The following MDGA2 variants were observed in gnomAD, a reference collection of about 807,000 sequenced individuals.
The protein encoded by MDGA2 is MAM domain-containing glycosylphosphatidylinositol anchor protein 2.
A neutral mutation model predicts 117.8 loss-of-function variants in MDGA2; 40 were observed. The observed-to-expected ratio is 0.34, with a 90% CI of 0.26 to 0.44. MDGA2 has a LOEUF of 0.44. MDGA2 is among the 20% of genes least tolerant of loss of function. The pLI is 1.00. For missense variants in MDGA2, 1,123 were observed against 1,250.6 expected, an observed-to-expected ratio of 0.90 and a Z score of 1.54; for synonymous variants, 452 against 439.0, an observed-to-expected ratio of 1.03 and a Z score of -0.37.
chr14:47,425,976 G>A (rs1005759050), intron 1 of MDGA2, among the ~76,000 whole-genome samples: 1 of 151,616 alleles, frequency 6.6e-6, no homozygotes, highest in African/African-American at 2.4e-5. Flanking sequence ...TCCATCCCAG[G>A]ATCCCATATC....
At chr14:47,433,072 A>G (rs1892831214) in intron 1 of MDGA2, among the ~76,000 whole-genome samples, 1 of 152,116 alleles carries the variant, frequency 6.6e-6, no homozygotes, top group South Asian at 2.1e-4. Flanking sequence ...AATGATAGAT[A>G]TAACTGCCTT....
At position 47,482,248 on chromosome 14, in the gene MDGA2, G is replaced by C. The variant is rs527811591; in HGVS notation, c.281-180698C>G. ...TGGTCCCAGGATGATAGAAATTTAG[G>C]AAAAGAGGAATGGAGGGAAGTTTCC... On this transcript the variant is annotated intron_variant, in intron 1 of 16. Transcript: ENST00000399232. Among the ~76,000 whole-genome samples, 5 of 152,118 alleles carry C rather than the reference G, an allele frequency of 3.3e-5. No homozygotes were observed. The East Asian group carries it at 9.7e-4, about 29-fold the overall frequency.
At chr14:47,185,968 C>T (rs1249765792) in intron 3 of MDGA2, among the ~76,000 whole-genome samples, 3 of 151,482 alleles carry the variant, frequency 2.0e-5, no homozygotes, top group African/African-American at 7.3e-5. Context: ...GGATGGAAGG[C>T]TTGCTATATG....
chr14:47,388,869 T>C (rs1891822109), intron 1 of MDGA2, among the ~76,000 whole-genome samples: 1 of 152,184 alleles, frequency 6.6e-6, no homozygotes, highest in Admixed American at 6.5e-5. Context: ...ACACTCAGCC[T>C]CCTTGCAGTA....
chr14:47,625,908 T>C (rs1158689748), intron 1 of MDGA2, among the ~76,000 whole-genome samples: 4 of 152,214 alleles, frequency 2.6e-5, no homozygotes, highest in African/African-American at 9.6e-5. Flanking sequence ...TTTTGCCCCA[T>C]GTTCTTTTGC....
chr14:46,952,475 A>T (rs1885403132), intron 9 of MDGA2, among the ~76,000 whole-genome samples: 1 of 152,022 alleles, frequency 6.6e-6, no homozygotes, highest in East Asian at 1.9e-4. Context: ...ACCTGAGTGA[A>T]ATAATTTTCT....
At chr14:47,568,075 T>G (rs2138814945) in intron 1 of MDGA2, among the ~76,000 whole-genome samples, 1 of 152,250 alleles carries the variant, frequency 6.6e-6, no homozygotes, top group South Asian at 2.1e-4. Flanking sequence ...GGGGCCCTAA[T>G]AATATGGATT....
intron 5 of MDGA2, among the ~76,000 whole-genome samples, chr14:47,128,110 T>C (rs1190698130): frequency 6.6e-6 from 1 of 152,156 alleles, no homozygotes; most frequent in Non-Finnish European, 1.5e-5. Flanking sequence ...ATATTAAATA[T>C]AATTTTATTG....
chr14:47,438,587 C>T (rs1451873786), intron 1 of MDGA2, among the ~76,000 whole-genome samples: 6 of 152,150 alleles, frequency 3.9e-5, no homozygotes. Flanking sequence ...TCCATTATGA[C>T]ATTTTCAAGA....
chr14:47,488,305 A>T (rs1482606920), intron 1 of MDGA2, among the ~76,000 whole-genome samples: 1 of 152,150 alleles, frequency 6.6e-6, no homozygotes, highest in African/African-American at 2.4e-5. Flanking sequence ...TTTGCAAAGC[A>T]AGAGACATAA....
At chr14:47,124,217 G>GA (rs1019014457) in intron 5 of MDGA2, among the ~76,000 whole-genome samples, 7 of 151,872 alleles carry the variant, frequency 4.6e-5, no homozygotes, top group African/African-American at 9.7e-5. Context: ...GAAACTCAGG[G>GA]AAAAAAATCC....
intron 8 of MDGA2, among the ~76,000 whole-genome samples, chr14:47,009,762 G>C (rs1312623504): frequency 1.3e-5 from 2 of 151,920 alleles, no homozygotes; most frequent in Non-Finnish European, 2.9e-5. Flanking sequence ...GTTTCTCAGG[G>C]AAAGAGGGCA....
intron 1 of MDGA2, among the ~76,000 whole-genome samples, chr14:47,503,041 C>A (rs1451876249): frequency 6.6e-6 from 1 of 152,094 alleles, no homozygotes; most frequent in African/African-American, 2.4e-5. Context: ...AAAGTTTAAA[C>A]ACACATACAC....
intron 3 of MDGA2, among the ~76,000 whole-genome samples, chr14:47,212,264 C>T (rs150802534): frequency 6.6e-6 from 1 of 152,056 alleles, no homozygotes; most frequent in Non-Finnish European, 1.5e-5. Context: ...TAAAGGAATG[C>T]CAATTCTTAT....
chr14:47,156,000 C>G (rs1357313734), intron 3 of MDGA2, among the ~76,000 whole-genome samples: 1 of 142,218 alleles, frequency 7.0e-6, no homozygotes, highest in Non-Finnish European at 1.5e-5. Flanking sequence ...ACCTCCGCCT[C>G]CCAGGTTAAG....
At chr14:47,169,355 T>C (rs1346462855) in intron 3 of MDGA2, among the ~76,000 whole-genome samples, 3 of 151,868 alleles carry the variant, frequency 2.0e-5, no homozygotes, top group African/African-American at 7.2e-5. Context: ...TGTGAGCCAA[T>C]GGCTTATATG....
chr14:47,176,934 T>A lies in MDGA2; in HGVS notation c.596-32660A>T, dbSNP rs999445679. 9.9e-5 allele frequency among the ~76,000 whole-genome samples: 15 copies of A among 152,074 alleles called. No homozygotes were observed. The East Asian group carries it at 2.1e-3, about 22-fold the overall frequency. Reference sequence around the variant, plus strand: ...AAGGGCTAATGTCCAGAATCTACAATGAACTCAAACAAATTTATAAGAAAA... The same window carrying A: ...AAGGGCTAATGTCCAGAATCTACAAAGAACTCAAACAAATTTATAAGAAAA... On this transcript the variant is annotated intron_variant, in intron 3 of 16. Transcript: ENST00000399232.
At chr14:47,023,937 GA>G (rs1888382085) in intron 8 of MDGA2, among the ~76,000 whole-genome samples, 1 of 151,874 alleles carries the variant, frequency 6.6e-6, no homozygotes, top group Non-Finnish European at 1.5e-5. Flanking sequence ...ATACAGAGAA[GA>G]AGAATAAATA....
chr14:47,551,978 T>G (rs569115626), intron 1 of MDGA2, among the ~76,000 whole-genome samples: 3 of 152,202 alleles, frequency 2.0e-5, no homozygotes, highest in Non-Finnish European at 4.4e-5. Context: ...ATTTTTCTGT[T>G]TTCCAGCAAG....
Sources: allele counts gnomAD v4.1 joint callset (sites outside exome capture counted in the v4.1 genomes callset), GRCh38; gene constraint gnomAD v4.1.1; transcripts MANE v1.5; gene names NCBI Gene and HGNC (gene_info 2026-07-23, HGNC 2026-07-21).